ZNF385D: variants seen among roughly 807,000 people sequenced by gnomAD.
The protein encoded by ZNF385D is zinc finger protein 659.
Under a neutral mutation model 35.8 loss-of-function variants are expected in ZNF385D, and 15 were observed. The ratio of observed to expected loss-of-function variants is 0.42; its 90% confidence interval spans 0.28 to 0.64. The LOEUF (loss-of-function observed/expected upper bound fraction) is 0.64. Ranked by LOEUF, ZNF385D falls within the 30% of genes least tolerant of loss-of-function variation. The pLI is 0.23. For synonymous variants in ZNF385D, 212 were observed against 186.8 expected, an observed-to-expected ratio of 1.13 and a Z score of -1.10; for missense variants, 474 against 494.6, an observed-to-expected ratio of 0.96 and a Z score of 0.39.
intron 3 of ZNF385D, among the ~76,000 whole-genome samples, chr3:21,833,217 A>G (rs1001390725): frequency 1.3e-5 from 2 of 152,312 alleles, no homozygotes; most frequent in South Asian, 2.1e-4. Flanking sequence ...TTAGAATGGT[A>G]TACTTAGTGG....
chr3:22,188,610 C>T (rs1695803419), intron 2 of ZNF385D, among the ~76,000 whole-genome samples: 1 of 151,970 alleles, frequency 6.6e-6, no homozygotes, highest in Admixed American at 6.6e-5. Flanking sequence ...CCACCACACC[C>T]TGCTAATTTT....
intron 3 of ZNF385D, among the ~76,000 whole-genome samples, chr3:22,135,950 C>T (rs1296693889): frequency 1.3e-5 from 2 of 152,152 alleles, no homozygotes; most frequent in Admixed American, 6.6e-5. Context: ...ACTTTAACCT[C>T]ACACTTTATA....
chr3:22,180,914 C>CTTTTTTTTTTTTTTTTTTTTTTTTT lies in ZNF385D; in HGVS notation c.107-11880_107-11879insAAAAAAAAAAAAAAAAAAAAAAAAA, dbSNP rs61668943. Among the ~76,000 whole-genome samples, 259 of 112,904 alleles carry CTTTTTTTTTTTTTTTTTTTTTTTTT rather than the reference C, an allele frequency of 2.3e-3. 17 individuals carry two copies. Among genetic ancestry groups the CTTTTTTTTTTTTTTTTTTTTTTTTT allele is most frequent in the African/African-American group, 6.9e-3 (165 of 23,764 alleles). The allele number at this position is 112,904 out of a possible 152,430, so 74.1% of individuals were successfully genotyped here. On this transcript the variant is annotated intron_variant, in intron 2 of 5. Transcript: ENST00000494108. ...AATCCAGTAGCTATATGCTTTTGTT[C>CTTTTTTTTTTTTTTTTTTTTTTTTT]TTTTTTTTTTTTTTTTAAGAGACAG...
chr3:21,685,172 G>A (rs2125326296), intron 1 of ZNF385D, among the ~76,000 whole-genome samples: 1 of 152,232 alleles, frequency 6.6e-6, no homozygotes, highest in Non-Finnish European at 1.5e-5. Context: ...TTTCTATTTT[G>A]TCTCAGCAAG....
At chr3:21,441,582 A>G in intron 4 of ZNF385D, 1 of 535,994 alleles carries the variant, frequency 1.9e-6, no homozygotes, top group Non-Finnish European at 2.4e-6. Context: ...GGCCCAAGCT[A>G]GAGTCAATTA....
At chr3:22,337,308 C>G (rs543399638) in intron 2 of ZNF385D, among the ~76,000 whole-genome samples, 6 of 151,996 alleles carry the variant, frequency 3.9e-5, no homozygotes, top group Non-Finnish European at 8.8e-5. Flanking sequence ...GAGGTGGGGG[C>G]AGCTCACTTG....
At chr3:21,971,680 TAAA>T (rs542462535) in intron 3 of ZNF385D, among the ~76,000 whole-genome samples, 3 of 129,328 alleles carry the variant, frequency 2.3e-5, no homozygotes, top group African/African-American at 8.6e-5. Flanking sequence ...GCTGAATGAA[TAAA>T]AAAAAAAAGA....
At chr3:21,917,699 C>G (rs67326109) in intron 3 of ZNF385D, among the ~76,000 whole-genome samples, 81,405 of 152,018 alleles carry the variant, frequency 0.54, 23,850 homozygotes, top group South Asian at 0.66. Flanking sequence ...TCTTTTTATA[C>G]TTTATTGGGA....
At chr3:21,524,050 G>T (rs1435685854) in intron 3 of ZNF385D, among the ~76,000 whole-genome samples, 1 of 152,208 alleles carries the variant, frequency 6.6e-6, no homozygotes, top group African/African-American at 2.4e-5. Flanking sequence ...ATGCCTTGCA[G>T]GTTTCTGCCT....
chr3:21,596,708 G>T (rs1306800549), intron 2 of ZNF385D, among the ~76,000 whole-genome samples: 2 of 151,166 alleles, frequency 1.3e-5, no homozygotes, highest in South Asian at 4.2e-4. Context: ...CAAACTCCTG[G>T]CCACAAGTGA....
chr3:22,014,332 G>A (rs1417601988), intron 3 of ZNF385D, among the ~76,000 whole-genome samples: 2 of 152,210 alleles, frequency 1.3e-5, no homozygotes, highest in South Asian at 2.1e-4. Flanking sequence ...CAGATCACAG[G>A]ATGCAGAGTA....
chr3:21,483,661 G>A (rs1704808760), intron 4 of ZNF385D, among the ~76,000 whole-genome samples: 1 of 152,082 alleles, frequency 6.6e-6, no homozygotes, highest in Admixed American at 6.6e-5. Flanking sequence ...GCATTTCCCT[G>A]ATAGCTAATA....
chr3:21,991,261 G>A (rs537589789), intron 3 of ZNF385D, among the ~76,000 whole-genome samples: 8 of 152,196 alleles, frequency 5.3e-5, no homozygotes, highest in African/African-American at 1.7e-4. Context: ...GGCAAAGATC[G>A]TTTCATGTTT....
intron 2 of ZNF385D, among the ~76,000 whole-genome samples, chr3:22,192,185 C>T (rs1260767569): frequency 6.6e-6 from 1 of 152,128 alleles, no homozygotes; most frequent in Admixed American, 6.6e-5. Context: ...ATGAGCCACA[C>T]CAGGTCAGAG....
chr3:21,423,921 C>T (rs546806448), intron 7 of ZNF385D, 42 bp downstream of exon 7: 1 of 1,569,700 alleles, frequency 6.4e-7, no homozygotes, highest in East Asian at 2.3e-5. Flanking sequence ...CCAATAATTC[C>T]ATTTGGGAAT....
chr3:21,535,783 A>AT (rs1475228786), intron 3 of ZNF385D, among the ~76,000 whole-genome samples: 1 of 152,058 alleles, frequency 6.6e-6, no homozygotes, highest in Non-Finnish European at 1.5e-5. Context: ...ACTGTTTCAC[A>AT]TGAGCTAACC....
In ZNF385D at chr3:21,414,923, T is replaced by G. The variant is rs1700541212; in HGVS notation, c.*6291A>C. 6.6e-6 allele frequency: 1 copy of G among 152,110 alleles called. No homozygotes were observed. The allele number at this position is 152,110 out of a possible 1,614,324, so 9.4% of individuals were successfully genotyped here. On this transcript the variant is annotated 3_prime_UTR_variant, in exon 8 of 8. Transcript: ENST00000281523. The stretch of plus-strand genomic sequence containing the variant: ...CATCTCTACTAATGTTAGCATAACA[T>G]CATAAGAGACATAAAGCATCTCACG...
At chr3:22,165,339 C>T (rs1014601349) in intron 3 of ZNF385D, among the ~76,000 whole-genome samples, 1 of 152,066 alleles carries the variant, frequency 6.6e-6, no homozygotes, top group Admixed American at 6.6e-5. Flanking sequence ...AGAAAAAAAG[C>T]TGAGTAGTTT....
At chr3:22,095,644 T>C (rs993109590) in intron 3 of ZNF385D, among the ~76,000 whole-genome samples, 1 of 140,558 alleles carries the variant, frequency 7.1e-6, no homozygotes, top group Non-Finnish European at 1.6e-5. Flanking sequence ...TGTATAAAAA[T>C]CTATTGCAGG....
Sources: allele counts gnomAD v4.1 joint callset (sites outside exome capture counted in the v4.1 genomes callset), GRCh38; gene constraint gnomAD v4.1.1; transcripts MANE v1.5; gene names NCBI Gene and HGNC (gene_info 2026-07-23, HGNC 2026-07-21).